The following NHERF2 variants were observed in gnomAD, a reference collection of about 807,000 sequenced individuals.
The protein encoded by NHERF2 is Na(+)/H(+) exchange regulatory cofactor NHE-RF2.
At chr16:2,035,736 C>T in the NHERF2 span, 59 of 963,664 alleles carry the variant, frequency 6.1e-5, no homozygotes, top group East Asian at 1.0e-3. Context: ...GGGGTCCTTC[C>T]GGGCACCAGG....
chr16:2,036,198 A>ACTT, the NHERF2 span: 1 of 981,058 alleles, frequency 1.0e-6, no homozygotes, highest in Non-Finnish European at 1.5e-6. Flanking sequence ...AGTGTTTGCC[A>ACTT]CTGAGACCTG....
chr16:2,029,051 G>A, the NHERF2 span, among the ~76,000 whole-genome samples: 46 of 152,312 alleles, frequency 3.0e-4, no homozygotes, highest in Admixed American at 5.9e-4. Context: ...GTAGATATAA[G>A]GCCTAGGGTC....
chr16:2,032,716 C>G, the NHERF2 span: 1 of 727,234 alleles, frequency 1.4e-6, no homozygotes. The surrounding 1 kb of genome is among the most constrained non-coding windows in gnomAD (Gnocchi z 4.0). Context: ...GATGACTCAG[C>G]CCTGGGCCAC....
At chr16:2,036,976 C>A in the NHERF2 span, 15 of 1,552,282 alleles carry the variant, frequency 9.7e-6, no homozygotes, top group Admixed American at 7.8e-5. Flanking sequence ...TCACCCGTCA[C>A]CAATGGAACC....
chr16:2,036,481 G>T, the NHERF2 span: 6 of 1,596,608 alleles, frequency 3.8e-6, no homozygotes, highest in Non-Finnish European at 5.1e-6. Context: ...TCTGGCCTCC[G>T]CGCCCAGGAC....
At chr16:2,038,934 A>AC in the NHERF2 span, 1 of 152,526 alleles carries the variant, frequency 6.6e-6, no homozygotes, top group African/African-American at 2.4e-5. Context: ...CGGGCCCCGC[A>AC]CCCCCGAACC....
chr16:2,030,106 G>A, the NHERF2 span, among the ~76,000 whole-genome samples: 1 of 152,240 alleles, frequency 6.6e-6, no homozygotes, highest in African/African-American at 2.4e-5. Context: ...GAGGAACCCT[G>A]GGAAGAGGCA....
At chr16:2,031,949 C>T in the NHERF2 span, among the ~76,000 whole-genome samples, 3 of 152,016 alleles carry the variant, frequency 2.0e-5, no homozygotes. Context: ...TCCTCGACCT[C>T]CCAAAGTTCT....
chr16:2,029,547 G>T, the NHERF2 span: 7 of 1,542,122 alleles, frequency 4.5e-6, no homozygotes, highest in South Asian at 1.2e-5. Context: ...CGGAATGTGG[G>T]CCACTGACCC....
chr16:2,030,379 C>T, the NHERF2 span, among the ~76,000 whole-genome samples: 2 of 152,158 alleles, frequency 1.3e-5, 1 homozygote. Context: ...AGGGAGGGCC[C>T]TGGGACCCTG....
chr16:2,036,329 CAGTGGGCCCCTGAGGG>C, the NHERF2 span: 1 of 1,607,308 alleles, frequency 6.2e-7, no homozygotes. Flanking sequence ...TGCAGGATGT[CAGTGGGCCCCTGAGGG>C]AGCTGCGCCC....
chr16:2,033,544 C>A, the NHERF2 span: 1 of 1,194,440 alleles, frequency 8.4e-7, no homozygotes, highest in Non-Finnish European at 1.1e-6. Flanking sequence ...GGTCGCTGAG[C>A]AACAATGAAG....
the NHERF2 span, chr16:2,033,093 C>T: frequency 7.1e-6 from 7 of 985,362 alleles, no homozygotes; most frequent in African/African-American, 1.2e-4. Flanking sequence ...CAGGGCAGGG[C>T]CTTCCAGCAG....
chr16:2,028,252 ACT>A, the NHERF2 span, among the ~76,000 whole-genome samples: 2 of 151,842 alleles, frequency 1.3e-5, no homozygotes, highest in Non-Finnish European at 2.9e-5. Flanking sequence ...CTTGTCTGTC[ACT>A]CTGTCGGCCG....
chr16:2,036,465 G>A, the NHERF2 span: 186 of 1,600,926 alleles, frequency 1.2e-4, no homozygotes, highest in South Asian at 6.2e-4. Context: ...CTCACCTGCC[G>A]CCCGCTCTGG....
At chr16:2,027,554 GGTGT>G in the NHERF2 span, among the ~76,000 whole-genome samples, 1 of 152,260 alleles carries the variant, frequency 6.6e-6, no homozygotes, top group East Asian at 1.9e-4. Context: ...CTTTTGCCTG[GGTGT>G]GTGTGTACAC....
At chr16:2,035,340 T>G in the NHERF2 span, 1 of 945,104 alleles carries the variant, frequency 1.1e-6, no homozygotes, top group Non-Finnish European at 1.3e-6. Flanking sequence ...GTCTGAGGCC[T>G]GGAGACCTGC....
At chr16:2,029,661 G>C in the NHERF2 span, 7 of 1,567,146 alleles carry the variant, frequency 4.5e-6, no homozygotes, top group Non-Finnish European at 6.1e-6. Flanking sequence ...GAGCTCCGCC[G>C]GCGGCAGCTG....
At chr16:2,035,377 C>G in the NHERF2 span, 1 of 985,476 alleles carries the variant, frequency 1.0e-6, no homozygotes, top group South Asian at 4.7e-5. Context: ...CGCCCCCTTG[C>G]CATGCCGCCC....
Sources: allele counts gnomAD v4.1 joint callset (sites outside exome capture counted in the v4.1 genomes callset), GRCh38; gene constraint gnomAD v4.1.1; non-coding constraint Gnocchi (gnomAD v3.1); transcripts MANE v1.5; gene names NCBI Gene and HGNC (gene_info 2026-07-23, HGNC 2026-07-21).